Variants in FAM240A observed in about 807,000 individuals in gnomAD.
The protein encoded by FAM240A is family with sequence similarity 240 member A, also known as protein FAM240A.
FAM240A carries 8 observed loss-of-function variants against 7.3 expected under a neutral mutation model. The ratio of observed to expected loss-of-function variants is 1.09; its 90% CI spans 0.64 to 1.97. FAM240A has a LOEUF of 1.97. FAM240A is among the 30% of genes most tolerant of loss of function. FAM240A has a pLI of 0.00. For synonymous variants in FAM240A, 32 were observed against 35.9 expected (o/e 0.89, Z 0.38); for missense variants, 90 against 102.2 (o/e 0.88, Z 0.52).
chr3:46,619,559 G>A (rs1245251044), intron 2 of FAM240A, among the ~76,000 whole-genome samples: 5 of 152,146 alleles, frequency 3.3e-5, no homozygotes, highest in East Asian at 1.9e-4. Flanking sequence ...AGATGCTGCC[G>A]TCTCCCGCCT....
chr3:46,625,160 C>CA lies in FAM240A; in HGVS notation c.197dup (p.Leu67AlafsTer11). 1 of 1,534,706 alleles carries CA rather than the reference C, an allele frequency of 6.5e-7. No homozygotes were observed. The highest frequency in any genetic ancestry group is 8.7e-7 in the Non-Finnish European group (1 of 1,146,156). On this transcript the variant is annotated frameshift_variant, in exon 3 of 3. Transcript: ENST00000640551. LOFTEE classifies it high-confidence loss of function. ...GAAGAATGGAAGCAGAGGCTGGAAACAAAGCTGAGGCTGCGGAACAATCCA... is the reference window on the plus strand; with the variant it reads ...GAAGAATGGAAGCAGAGGCTGGAAACAAAAGCTGAGGCTGCGGAACAATCCA...
intron 1 of FAM240A, among the ~76,000 whole-genome samples, chr3:46,613,992 C>T (rs554530903): frequency 1.2e-4 from 19 of 152,288 alleles, no homozygotes; most frequent in Non-Finnish European, 1.5e-4. Flanking sequence ...AAACATGGCT[C>T]ACTTTAGCCT....
In FAM240A at chr3:46,617,233, C is replaced by A. The variant is rs2107141638; in HGVS notation, c.66C>A (p.Cys22Ter). 6.5e-7 allele frequency: 1 copy of A among 1,535,096 alleles called. No homozygotes were observed. Among genetic ancestry groups the A allele is most frequent in the South Asian group, 1.2e-5 (1 of 83,892 alleles). Residue 22 changes from cysteine to a stop codon, truncating the protein, a stop_gained, in exon 2 of 3, where the codon TGC becomes TGA. Coordinates refer to ENST00000640551, the MANE Select transcript of FAM240A (RefSeq NM_001195442.2). LOFTEE classifies it high-confidence loss of function. The part of the protein sequence containing the change: ...TRREVFCRNT[C>*]HDLKHFWERE... ...GGGAGGTCTTCTGCCGGAACACCTG[C>A]CATGATCTCAAGCATTTCTGGGAAA...
At chr3:46,617,696 A>G (rs1697646705) in intron 2 of FAM240A, among the ~76,000 whole-genome samples, 1 of 152,210 alleles carries the variant, frequency 6.6e-6, no homozygotes, top group South Asian at 2.1e-4. Context: ...GTCACCTTCT[A>G]GCACATGAGG....
chr3:46,622,106 C>CTTTT (rs1171256555), intron 2 of FAM240A, among the ~76,000 whole-genome samples: 74 of 79,656 alleles, frequency 9.3e-4, no homozygotes, highest in Middle Eastern at 0.011. Flanking sequence ...AGAAAATTTT[C>CTTTT]TTTTTTTTTT....
In FAM240A at chr3:46,625,353, T is replaced by TA; in HGVS notation, c.*136dup. Reference sequence around the variant, plus strand: ...TTGTTTCCCCACCTGGGAGAGGACTTACCTGTAAATCCTTTCCCAGTGTTT... The same window carrying TA: ...TTGTTTCCCCACCTGGGAGAGGACTTAACCTGTAAATCCTTTCCCAGTGTTT... On this transcript the variant is annotated 3_prime_UTR_variant, in exon 3 of 3. Coordinates refer to ENST00000640551, the MANE Select transcript of FAM240A (RefSeq NM_001195442.2). 1.8e-6 allele frequency: 1 copy of TA among 571,252 alleles called. No individual in the cohort carries two copies. The highest frequency in any genetic ancestry group is 2.4e-5 in the South Asian group (1 of 40,994). The allele number at this position is 571,252 out of a possible 1,614,324, so 35.4% of individuals were successfully genotyped here.
intron 1 of FAM240A, among the ~76,000 whole-genome samples, 170 bp from the exon 2 acceptor site, chr3:46,617,013 C>A (rs1221162687): frequency 1.3e-5 from 1 of 75,658 alleles, no homozygotes; most frequent in Non-Finnish European, 3.4e-5. Flanking sequence ...GCATCTGCAC[C>A]AACACCTATT....
chr3:46,624,274 T>G (rs1297486555), intron 2 of FAM240A, among the ~76,000 whole-genome samples: 1 of 143,530 alleles, frequency 7.0e-6, no homozygotes, highest in African/African-American at 2.6e-5. Context: ...ATTTTTTTTT[T>G]TTTTTTTTTT....
In FAM240A at chr3:46,619,624, C is replaced by T. The variant is rs143885824; in HGVS notation, c.161+2296C>T. 7.4e-3 allele frequency among the ~76,000 whole-genome samples: 1,126 copies of T among 152,298 alleles called. 3 individuals carry two copies. Among genetic ancestry groups the T allele is most frequent in the Non-Finnish European group, 0.013 (860 of 68,020 alleles). On this transcript the variant is annotated intron_variant, in intron 2 of 2. Transcript: ENST00000640551. The stretch of plus-strand genomic sequence containing the variant: ...TGCAGTCTTCTGGGGGTCCCAGCTT[C>T]AGAGCTGGTTCACTTGGCCCTTGGG...
chr3:46,622,362 T>TC, intron 2 of FAM240A, among the ~76,000 whole-genome samples: 1 of 152,180 alleles, frequency 6.6e-6, no homozygotes, highest in Non-Finnish European at 1.5e-5. Flanking sequence ...CGCCTCGGCC[T>TC]CCCAAAGTGC....
intron 2 of FAM240A, among the ~76,000 whole-genome samples, chr3:46,624,425 C>T (rs1350062166): frequency 6.6e-6 from 1 of 151,936 alleles, no homozygotes; most frequent in Non-Finnish European, 1.5e-5. Context: ...GCACCCGCCA[C>T]CATGATCAGC....
rs17079009 is a variant in FAM240A, at chr3:46,612,830, C to T, written c.15+132C>T. ...TTCTCTCAAGTACAAGATTAGATGG[C>T]GTTTTGGGCAGAGGGGATACAGAGG... On this transcript the variant is annotated intron_variant, in intron 1 of 2. Transcript: ENST00000640551. 9,615 of 729,906 alleles carry T rather than the reference C, an allele frequency of 0.013. 366 individuals carry two copies. The highest frequency in any genetic ancestry group is 0.1 in the African/African-American group (5,831 of 57,524). 45.2% of individuals were successfully genotyped at this position (729,906 alleles called of 1,614,324 possible).
intron 1 of FAM240A, among the ~76,000 whole-genome samples, chr3:46,614,376 GA>G (rs1438640085): frequency 6.6e-6 from 1 of 152,198 alleles, no homozygotes; most frequent in Non-Finnish European, 1.5e-5. Flanking sequence ...AACAAGTTAA[GA>G]AGACAAGGTA....
rs1254570986 is a variant in FAM240A, at chr3:46,617,178, T to C, written c.16-5T>C. On this transcript the variant is annotated splice_region_variant and splice_polypyrimidine_tract_variant and intron_variant, in intron 1 of 2. Transcript: ENST00000640551. ...GGTTATTTGTATGGCTATTTTCCTT[T>C]TTAGGGGATGAACAATCAATACACC... 3 of 1,517,986 alleles carry C rather than the reference T, an allele frequency of 2.0e-6. No individual in the cohort carries two copies. In the East Asian group the frequency reaches 7.4e-5, roughly 37 times the overall value. The allele number at this position is 1,517,986 out of a possible 1,614,324, so 94.0% of individuals were successfully genotyped here.
chr3:46,623,728 A>G (rs1270611886), intron 2 of FAM240A, among the ~76,000 whole-genome samples: 2 of 152,194 alleles, frequency 1.3e-5, no homozygotes, highest in Admixed American at 6.5e-5. Context: ...AGCATGGACT[A>G]TCTCTTCGTC....
intron 1 of FAM240A, among the ~76,000 whole-genome samples, chr3:46,613,627 G>C (rs1412680529): frequency 6.6e-6 from 1 of 152,058 alleles, no homozygotes; most frequent in African/African-American, 2.4e-5. Context: ...TCCCCAATCT[G>C]TTTCTGCAAC....
rs1242877427 is a variant in FAM240A at position 46,617,329 on chromosome 3, G to T, written c.161+1G>T. ...GTCTGGGAAGAAGCGCACTGAGAAA[G>T]TATGTGGCTTGTTTGTCTACTTTTT... is the stretch of plus-strand genomic sequence containing the variant. On this transcript the variant is annotated splice_donor_variant, in intron 2 of 2. Coordinates refer to ENST00000640551, the MANE Select transcript of FAM240A (RefSeq NM_001195442.2). LOFTEE classifies it high-confidence loss of function. The T allele has an allele frequency of 2.6e-6, 4 of 1,514,746 alleles. No homozygotes were observed. The highest frequency in any genetic ancestry group is 1.3e-5 in the South Asian group (1 of 79,746). 93.8% of individuals were successfully genotyped at this position (1,514,746 alleles called of 1,614,324 possible).
rs79513139 is a variant in FAM240A at position 46,617,817 on chromosome 3, T to C, written c.161+489T>C. Among the ~76,000 whole-genome samples the C allele has an allele frequency of 9.3e-3, 1,415 of 152,288 alleles. 14 individuals carry two copies. The highest frequency in any genetic ancestry group is 0.017 in the Non-Finnish European group (1,135 of 68,006). On this transcript the variant is annotated intron_variant, in intron 2 of 2. Transcript: ENST00000640551. ...CACCCATTTAGGTGAAAACACAAGA[T>C]GGCCTGCGTGGTTCCTGGAGGGGAA...
Position 46,612,621 on chromosome 3 carries a change from G to A in FAM240A, c.-63G>A, listed in dbSNP as rs1251957199. Reference sequence around the variant, plus strand: ...AATTGGCTCCTGGGGCAGCACAGATGCCTCACAGGCGGTCAAGTGCGACAC... The same window carrying A: ...AATTGGCTCCTGGGGCAGCACAGATACCTCACAGGCGGTCAAGTGCGACAC... On this transcript the variant is annotated 5_prime_UTR_variant, in exon 1 of 3. It removes an upstream start codon present in the reference 5' UTR. Coordinates refer to ENST00000640551, the MANE Select transcript of FAM240A (RefSeq NM_001195442.2). 3 of 1,386,102 alleles carry A rather than the reference G, an allele frequency of 2.2e-6. No individual in the cohort carries two copies. The highest frequency in any genetic ancestry group is 2.0e-6 in the Non-Finnish European group (2 of 1,009,088). The allele number at this position is 1,386,102 out of a possible 1,614,324, so 85.9% of individuals were successfully genotyped here.
Sources: allele counts gnomAD v4.1 joint callset (sites outside exome capture counted in the v4.1 genomes callset), GRCh38; gene constraint gnomAD v4.1.1; transcripts MANE v1.5; gene names NCBI Gene and HGNC (gene_info 2026-07-23, HGNC 2026-07-21).